Variants in SNX29 observed in about 807,000 individuals in gnomAD.
SNX29 encodes the protein sorting nexin 29, also known as sorting nexin-29.
In SNX29, 78 loss-of-function variants were observed where a neutral mutation model predicts 102.1. The ratio of observed to expected loss-of-function variants is 0.76; its 90% CI spans 0.64 to 0.92. SNX29 has a LOEUF of 0.92. Ranked by LOEUF, SNX29 falls within the 40% of genes least tolerant of loss-of-function variation. The pLI is 0.00. For missense variants in SNX29, 1,280 were observed against 1,061.7 expected, an observed-to-expected ratio of 1.21 and a Z score of -2.86; for synonymous variants, 580 against 414.5, an observed-to-expected ratio of 1.40 and a Z score of -4.85.
chr16:12,393,357 G>C (rs1306059681), intron 16 of SNX29, among the ~76,000 whole-genome samples: 2 of 138,658 alleles, frequency 1.4e-5, no homozygotes, highest in East Asian at 4.9e-4. Context: ...TGGCATTTCA[G>C]GGTGGAAACA....
At chr16:12,144,272 A>G (rs971342026) in intron 13 of SNX29, among the ~76,000 whole-genome samples, 2 of 152,232 alleles carry the variant, frequency 1.3e-5, no homozygotes, top group African/African-American at 4.8e-5. Context: ...TGAAAAATAT[A>G]AAGAATAGTA....
intron 20 of SNX29, among the ~76,000 whole-genome samples, chr16:12,538,492 TATG>T (rs1313387424): frequency 7.2e-5 from 11 of 152,336 alleles, no homozygotes; most frequent in South Asian, 2.1e-4. Context: ...AACATACATC[TATG>T]ATACTTTGTT....
intron 14 of SNX29, among the ~76,000 whole-genome samples, chr16:12,235,211 G>C (rs2077890242): frequency 1.3e-5 from 2 of 151,640 alleles, no homozygotes; most frequent in African/African-American, 2.4e-5. Context: ...TTCTCTCTCT[G>C]TCCCTGGTGT....
intron 14 of SNX29, among the ~76,000 whole-genome samples, chr16:12,268,656 G>C (rs996676315): frequency 4.6e-5 from 7 of 152,090 alleles, no homozygotes; most frequent in Non-Finnish European, 1.0e-4. Context: ...ATGGGACCTG[G>C]GCATACCTCA....
chr16:12,321,892 G>A (rs920130854), intron 15 of SNX29, among the ~76,000 whole-genome samples: 9 of 152,190 alleles, frequency 5.9e-5, no homozygotes, highest in Non-Finnish European at 1.2e-4. Flanking sequence ...GTGCCAGGGA[G>A]GTGGCCCAGC....
intron 15 of SNX29, among the ~76,000 whole-genome samples, chr16:12,329,515 G>A (rs545005279): frequency 6.6e-6 from 1 of 152,224 alleles, no homozygotes; most frequent in African/African-American, 2.4e-5. Context: ...AAGATAATTT[G>A]GTTCCTAGCT....
intron 18 of SNX29, among the ~76,000 whole-genome samples, chr16:12,461,521 C>G (rs1445361514): frequency 2.0e-5 from 3 of 152,132 alleles, no homozygotes; most frequent in East Asian, 3.8e-4. Context: ...CTATCAGAAG[C>G]TTTTTCAGAG....
intron 10 of SNX29, among the ~76,000 whole-genome samples, chr16:12,076,862 G>A (rs2051599289): frequency 6.6e-6 from 1 of 152,152 alleles, no homozygotes; most frequent in African/African-American, 2.4e-5. Context: ...AACAGTCAAG[G>A]GTTCTGCTCT....
chr16:12,266,723 G>A (rs932614432), intron 14 of SNX29, among the ~76,000 whole-genome samples: 1 of 146,078 alleles, frequency 6.8e-6, no homozygotes, highest in South Asian at 2.1e-4. Flanking sequence ...CTCAGACAAC[G>A]TGGTTCTTGG....
intron 15 of SNX29, among the ~76,000 whole-genome samples, chr16:12,346,153 C>G (rs2081796782): frequency 6.6e-6 from 1 of 151,898 alleles, no homozygotes; most frequent in African/African-American, 2.4e-5. Context: ...GTGGCGGGGG[C>G]AGCAGGGAGG....
intron 20 of SNX29, among the ~76,000 whole-genome samples, chr16:12,563,328 G>T (rs77272284): frequency 6.6e-6 from 1 of 152,184 alleles, no homozygotes; most frequent in Non-Finnish European, 1.5e-5. Flanking sequence ...GAGAGTCACC[G>T]TCGAGGAGTG....
chr16:12,522,266 T>C (rs538580132), intron 19 of SNX29, among the ~76,000 whole-genome samples: 1 of 152,348 alleles, frequency 6.6e-6, no homozygotes, highest in African/African-American at 2.4e-5. Context: ...TCATTGTTTA[T>C]TTGAAGTTCA....
chr16:12,336,864 T>TGAGTGATCCAG (rs1464239790), intron 15 of SNX29, among the ~76,000 whole-genome samples: 2 of 152,200 alleles, frequency 1.3e-5, no homozygotes, highest in Admixed American at 6.5e-5. Context: ...GAGGATCACT[T>TGAGTGATCCAG]GAGTCCAGGA....
At chr16:12,169,018 C>T (rs2076082809) in intron 13 of SNX29, among the ~76,000 whole-genome samples, 1 of 152,208 alleles carries the variant, frequency 6.6e-6, no homozygotes, top group Admixed American at 6.5e-5. Flanking sequence ...TGAAGGATGG[C>T]TTTGGAGGTG....
chr16:12,153,461 C>CA (rs367696237), intron 13 of SNX29, among the ~76,000 whole-genome samples: 4,176 of 140,426 alleles, frequency 0.03, 84 homozygotes, highest in South Asian at 0.078. Context: ...ATCTTTGTCT[C>CA]AAAAAAAAAA....
chr16:12,564,926 C>G lies in SNX29; in HGVS notation c.2319-3580C>G, dbSNP rs1406028453. 5.9e-5 allele frequency among the ~76,000 whole-genome samples: 4 copies of G among 68,100 alleles called. No individual in the cohort carries two copies. In the East Asian group the frequency reaches 1.2e-3, roughly 20 times the overall value. 44.7% of individuals were successfully genotyped at this position (68,100 alleles called of 152,430 possible). A position where few individuals can be genotyped will look rare whatever the true frequency, so the allele number is the denominator to read the frequency against. ...ATCTGCAGCAGGGACTGGAGGGAAC[C>G]TTGGTGTTAAAAAAAAAAAAAAAAA... On this transcript the variant is annotated intron_variant, in intron 20 of 20. Coordinates refer to ENST00000566228, the MANE Select transcript of SNX29 (RefSeq NM_032167.5).
chr16:12,455,892 T>C (rs967303718), intron 18 of SNX29, among the ~76,000 whole-genome samples: 2 of 152,160 alleles, frequency 1.3e-5, no homozygotes, highest in African/African-American at 2.4e-5. Context: ...TCCATCCATC[T>C]ACCTACCCAC....
intron 15 of SNX29, among the ~76,000 whole-genome samples, chr16:12,289,740 G>C (rs2079729574): frequency 6.6e-6 from 1 of 152,138 alleles, no homozygotes. Context: ...CAGCTTTTCA[G>C]ACCCACACTA....
chr16:12,471,821 T>C (rs1025808432), intron 18 of SNX29, among the ~76,000 whole-genome samples: 2 of 152,280 alleles, frequency 1.3e-5, no homozygotes, highest in Non-Finnish European at 2.9e-5. Flanking sequence ...ATATAGATCC[T>C]GGATGTTTCC....
Sources: gnomAD v4.1 joint callset for allele counts (sites outside exome capture counted in the v4.1 genomes callset) on GRCh38, gnomAD v4.1.1 for gene constraint, MANE v1.5 for transcripts, NCBI Gene and HGNC (gene_info 2026-07-23, HGNC 2026-07-21) for gene names.